Variants in MAP4K4 observed in about 807,000 individuals in gnomAD.
The protein encoded by MAP4K4 is HPK/GCK-like kinase HGK.
Under a neutral mutation model 189.6 loss-of-function variants are expected in MAP4K4, and 38 were observed. The ratio of observed to expected loss-of-function variants is 0.20; its 90% CI spans 0.15 to 0.26. The LOEUF (loss-of-function observed/expected upper bound fraction) is 0.26. Ranked by LOEUF, MAP4K4 falls within the 10% of genes least tolerant of loss-of-function variation. The pLI is 1.00. For synonymous variants in MAP4K4, 610 were observed against 624.3 expected, an observed-to-expected ratio of 0.98 and a Z score of 0.34; for missense variants, 1,054 against 1,726.9, an observed-to-expected ratio of 0.61 and a Z score of 6.91.
chr2:101,830,136 T>C (rs1338258144), intron 6 of MAP4K4, among the ~76,000 whole-genome samples: 1 of 152,172 alleles, frequency 6.6e-6, no homozygotes, highest in Non-Finnish European at 1.5e-5. Flanking sequence ...CAACCTCTAA[T>C]CTGTCTTGGG....
intron 2 of MAP4K4, among the ~76,000 whole-genome samples, chr2:101,753,437 C>G (rs1197009135): frequency 6.6e-6 from 1 of 152,120 alleles, no homozygotes; most frequent in East Asian, 1.9e-4. Flanking sequence ...TGCTTGCAGG[C>G]AAGAGGCTGT....
intron 2 of MAP4K4, among the ~76,000 whole-genome samples, chr2:101,733,130 A>C (rs1288325302): frequency 6.6e-6 from 1 of 152,242 alleles, no homozygotes; most frequent in African/African-American, 2.4e-5. Flanking sequence ...TGTCACTCAC[A>C]GGCTTCCAGA....
intron 2 of MAP4K4, among the ~76,000 whole-genome samples, chr2:101,715,852 T>A (rs1437255056): frequency 6.6e-6 from 1 of 152,178 alleles, no homozygotes; most frequent in East Asian, 1.9e-4. Flanking sequence ...TTATCTGTAT[T>A]TATAGCCGCT....
At chr2:101,704,635 T>C (rs1385692977) in intron 2 of MAP4K4, among the ~76,000 whole-genome samples, 1 of 135,964 alleles carries the variant, frequency 7.4e-6, no homozygotes, top group Non-Finnish European at 1.5e-5. Context: ...TGCAGTGGTG[T>C]GATCTCGGCC....
intron 2 of MAP4K4, among the ~76,000 whole-genome samples, chr2:101,709,247 G>T (rs1169340445): frequency 6.6e-6 from 1 of 152,144 alleles, no homozygotes; most frequent in African/African-American, 2.4e-5. Flanking sequence ...CTGTCGCCCA[G>T]GCTGGAGTGC....
At chr2:101,739,428 T>C (rs2061709279) in intron 2 of MAP4K4, among the ~76,000 whole-genome samples, 2 of 152,196 alleles carry the variant, frequency 1.3e-5, no homozygotes, top group Admixed American at 1.3e-4. Flanking sequence ...AGCTTCTATT[T>C]ACTTTTCTTA....
chr2:101,890,341 A>G (rs1303874832), intron 32 of MAP4K4, among the ~76,000 whole-genome samples: 5 of 152,220 alleles, frequency 3.3e-5, no homozygotes, highest in African/African-American at 9.7e-5. Flanking sequence ...CAATATGCCA[A>G]CGTGTAAGGA....
At chr2:101,797,346 C>G (rs1385645105) in intron 3 of MAP4K4, 2 of 1,290,852 alleles carry the variant, frequency 1.5e-6, no homozygotes, top group Non-Finnish European at 2.0e-6. Flanking sequence ...TTGCATGACT[C>G]TGGCAGACTT....
intron 2 of MAP4K4, among the ~76,000 whole-genome samples, chr2:101,763,817 C>T (rs892886212): frequency 1.3e-5 from 2 of 152,018 alleles, no homozygotes; most frequent in East Asian, 1.9e-4. Flanking sequence ...TTTGTAATTT[C>T]GGAAATGCCT....
intron 26 of MAP4K4, 76 bp downstream of exon 26, chr2:101,874,328 T>C (rs1210428385): frequency 7.5e-7 from 1 of 1,332,510 alleles, no homozygotes; most frequent in Non-Finnish European, 1.0e-6. Context: ...AAGTACTGCA[T>C]TGAATAGTTT....
intron 2 of MAP4K4, among the ~76,000 whole-genome samples, chr2:101,757,634 A>G (rs140507594): frequency 4.1e-4 from 62 of 152,364 alleles, no homozygotes; most frequent in African/African-American, 1.4e-3. Context: ...TGAGGATAGT[A>G]CTGAACCCCA....
chr2:101,865,070 C>T (rs887467812), intron 18 of MAP4K4, 34 bp downstream of exon 18: 12 of 1,296,646 alleles, frequency 9.3e-6, no homozygotes, highest in African/African-American at 1.5e-5. Flanking sequence ...AACAGGCCTT[C>T]TGTGCAGTCT....
At chr2:101,763,111 A>G (rs538915565) in intron 2 of MAP4K4, among the ~76,000 whole-genome samples, 6 of 152,322 alleles carry the variant, frequency 3.9e-5, no homozygotes, top group South Asian at 2.1e-4. Context: ...ACCTCGGGCA[A>G]TGCACCTGGG....
chr2:101,814,545 A>G (rs1484214451), intron 3 of MAP4K4, among the ~76,000 whole-genome samples: 2 of 152,240 alleles, frequency 1.3e-5, no homozygotes, highest in Non-Finnish European at 2.9e-5. Context: ...TCCACAATGA[A>G]GAGAATTATT....
chr2:101,724,066 T>A (rs887908350), intron 2 of MAP4K4, among the ~76,000 whole-genome samples: 1 of 152,228 alleles, frequency 6.6e-6, no homozygotes, highest in Non-Finnish European at 1.5e-5. Flanking sequence ...AGACTGAGCA[T>A]CTTTAGTTCT....
chr2:101,857,399 A>G (rs189152552), intron 13 of MAP4K4, among the ~76,000 whole-genome samples: 220 of 152,244 alleles, frequency 1.4e-3, no homozygotes, highest in Non-Finnish European at 2.8e-3. Flanking sequence ...TTCATTGACT[A>G]TGTGTTAGGA....
intron 16 of MAP4K4, 21 bp from the exon 17 acceptor site, chr2:101,863,800 T>C: frequency 7.4e-7 from 1 of 1,352,794 alleles, no homozygotes; most frequent in Non-Finnish European, 9.9e-7. Context: ...TTGAATGTTT[T>C]GTGTTTTGTT....
chr2:101,742,728 G>T (rs1040028644), intron 2 of MAP4K4, among the ~76,000 whole-genome samples: 4 of 152,140 alleles, frequency 2.6e-5, no homozygotes, highest in Admixed American at 1.3e-4. Context: ...GGTCAAGCAG[G>T]TAAAGGAGAG....
intron 2 of MAP4K4, among the ~76,000 whole-genome samples, chr2:101,705,040 G>C (rs1172081591): frequency 6.6e-6 from 1 of 152,106 alleles, no homozygotes; most frequent in Non-Finnish European, 1.5e-5. Context: ...TGATTCATTG[G>C]GAGGTAGTTT....
Sources: allele counts gnomAD v4.1 joint callset (sites outside exome capture counted in the v4.1 genomes callset), GRCh38; gene constraint gnomAD v4.1.1; transcripts MANE v1.5; gene names NCBI Gene and HGNC (gene_info 2026-07-23, HGNC 2026-07-21).